The following MAP3K19 variants were observed in gnomAD, a reference collection of about 807,000 sequenced individuals.
MAP3K19 encodes the protein mitogen-activated protein kinase kinase kinase 19.
A neutral mutation model predicts 114.4 loss-of-function variants in MAP3K19; 91 were observed. The ratio of observed to expected loss-of-function variants is 0.80; its 90% CI spans 0.67 to 0.95. The LOEUF (loss-of-function observed/expected upper bound fraction) is 0.95. Ranked by LOEUF, MAP3K19 falls within the 40% of genes least tolerant of loss-of-function variation. The pLI is 0.00. For synonymous variants in MAP3K19, 518 were observed against 530.5 expected (o/e 0.98, Z 0.32); for missense variants, 1,471 against 1,573.2 (o/e 0.94, Z 1.10).
At chr2:135,017,645 C>T (rs181427900) in intron 5 of MAP3K19, among the ~76,000 whole-genome samples, 109 of 152,310 alleles carry the variant, frequency 7.2e-4, no homozygotes, top group Middle Eastern at 6.8e-3. Context: ...CTCATGCTAA[C>T]TCCCAACGTC....
chr2:134,964,896 G>A lies in MAP3K19; in HGVS notation c.3941C>T (p.Ser1314Phe). ...CLTRDQHERP[S>F]ALQLLKHSFL... ...GGAGTGCTTCAGGAGCTGGAGAGCAGAAGGTCGCTCATGCTGGTCCCTAAG... is the reference window on the plus strand; with the variant it reads ...GGAGTGCTTCAGGAGCTGGAGAGCAAAAGGTCGCTCATGCTGGTCCCTAAG... Residue 1314 changes from serine (S) to phenylalanine (F), a missense_variant, in exon 13 of 13, where the codon TCT (serine) becomes TTT (phenylalanine). Coordinates refer to ENST00000392915, the MANE Select transcript of MAP3K19 (RefSeq NM_025052.5). The A allele has an allele frequency of 6.2e-7, 1 of 1,613,026 alleles. No homozygotes were observed. Among genetic ancestry groups the A allele is most frequent in the South Asian group, 1.1e-5 (1 of 90,804 alleles).
chr2:135,040,883 C>T (rs929196974), intron 1 of MAP3K19, among the ~76,000 whole-genome samples: 10 of 152,194 alleles, frequency 6.6e-5, no homozygotes, highest in African/African-American at 2.4e-4. Context: ...TAAATTCCTT[C>T]TCCACAGATT....
intron 2 of MAP3K19, among the ~76,000 whole-genome samples, chr2:135,036,405 T>C (rs537071972): frequency 6.6e-6 from 1 of 152,308 alleles, no homozygotes; most frequent in African/African-American, 2.4e-5. Context: ...TGAATAAATA[T>C]TTTATGAATG....
chr2:135,021,779 G>A lies in MAP3K19; in HGVS notation c.74C>T (p.Pro25Leu). The A allele has an allele frequency of 6.2e-7, 1 of 1,612,532 alleles. No individual in the cohort carries two copies. Among genetic ancestry groups the A allele is most frequent in the Non-Finnish European group, 8.5e-7 (1 of 1,179,446 alleles). Residue 25 changes from proline (P) to leucine (L), a missense_variant, in exon 5 of 13, where the codon CCA becomes CTA. Coordinates refer to ENST00000392915, the MANE Select transcript of MAP3K19 (RefSeq NM_025052.5). Reference protein sequence around the residue: ...LDICHDTNSSPTDLMTVTKNQ... With the variant: ...LDICHDTNSSLTDLMTVTKNQ... ...TTTGGTAACTGTCATCAAATCAGTT[G>A]GAGAAGAGTTTGTATCATGACAAAT... is the stretch of plus-strand genomic sequence containing the variant.
intron 8 of MAP3K19, among the ~76,000 whole-genome samples, chr2:134,995,082 T>C (rs1685881043): frequency 6.6e-6 from 1 of 151,922 alleles, no homozygotes. Flanking sequence ...GAAGCTGAGG[T>C]GGGTAAATCA....
chr2:135,028,367 G>A (rs1338306369), intron 3 of MAP3K19, among the ~76,000 whole-genome samples: 1 of 151,890 alleles, frequency 6.6e-6, no homozygotes, highest in Non-Finnish European at 1.5e-5. Context: ...ACCAGCCTGG[G>A]CAACATGGCA....
rs549232205 is a variant in MAP3K19 at position 135,004,404 on chromosome 2, G to A, written c.235+1031C>T. On this transcript the variant is annotated intron_variant, in intron 6 of 12. Coordinates refer to ENST00000392915, the MANE Select transcript of MAP3K19 (RefSeq NM_025052.5). ...TGGGGAGGGAAGATTCCCAGTGGGC[G>A]TGAGAAAGGCAGGCGGCTGCCCAGG... is the stretch of plus-strand genomic sequence containing the variant. Among the ~76,000 whole-genome samples, 3 of 152,268 alleles carry A rather than the reference G, an allele frequency of 2.0e-5. No homozygotes were observed. In the South Asian group the frequency reaches 6.2e-4, roughly 32 times the overall value.
At chr2:135,021,887 A>C in intron 4 of MAP3K19, 57 bp from the exon 5 acceptor site, 1 of 1,084,668 alleles carries the variant, frequency 9.2e-7, no homozygotes, top group Non-Finnish European at 1.3e-6. Flanking sequence ...GCAATTTCAA[A>C]AGAAGATCTA....
intron 12 of MAP3K19, among the ~76,000 whole-genome samples, chr2:134,978,698 A>G (rs78892450): frequency 6.6e-6 from 1 of 152,144 alleles, no homozygotes; most frequent in East Asian, 1.9e-4. Flanking sequence ...CCAAGTCTTG[A>G]TTCACCTTTT....
rs369837575 is a variant in MAP3K19 at position 134,977,047 on chromosome 2, G to GAAAA, written c.3920+3770_3920+3773dup. Among the ~76,000 whole-genome samples, 212 of 116,162 alleles carry GAAAA rather than the reference G, an allele frequency of 1.8e-3. 2 individuals carry two copies. The highest frequency in any genetic ancestry group is 6.4e-3 in the African/African-American group (200 of 31,420). 76.2% of individuals were successfully genotyped at this position (116,162 alleles called of 152,430 possible). ...GGTAACAAAGCAAGACTCCGTCTCG[G>GAAAA]AAAAAAAAAAAAAAAAAAAATTCTT... On this transcript the variant is annotated intron_variant, in intron 12 of 12. Transcript: ENST00000392915.
intron 5 of MAP3K19, among the ~76,000 whole-genome samples, chr2:135,007,562 T>C (rs957634846): frequency 1.3e-5 from 2 of 152,026 alleles, no homozygotes; most frequent in African/African-American, 4.8e-5. Context: ...ATTGGGTTGA[T>C]TATTCATTCT....
At chr2:134,996,333 C>T (rs1300396136) in intron 8 of MAP3K19, among the ~76,000 whole-genome samples, 1 of 148,044 alleles carries the variant, frequency 6.8e-6, no homozygotes, top group South Asian at 2.1e-4. Context: ...TCCCAAAGTG[C>T]TGCCCTGGAC....
At chr2:135,026,302 G>C (rs7564981) in intron 3 of MAP3K19, among the ~76,000 whole-genome samples, 3,789 of 152,270 alleles carry the variant, frequency 0.025, 136 homozygotes, top group African/African-American at 0.085. Flanking sequence ...TTGATTTCCA[G>C]TATTCTGGAC....
At position 134,988,601 on chromosome 2, in the gene MAP3K19, G is replaced by A. The variant is rs147709595; in HGVS notation, c.619-348C>T. On this transcript the variant is annotated intron_variant, in intron 9 of 12. Transcript: ENST00000392915. ...GACAAGGTCTCTCTATGTTGCCCAG[G>A]CTGGTCTCAAACTCCTGGCCTCAAG... Among the ~76,000 whole-genome samples the A allele has an allele frequency of 8.1e-3, 1,239 of 152,032 alleles. 10 individuals carry two copies. The highest frequency in any genetic ancestry group is 0.028 in the African/African-American group (1,165 of 41,452).
At chr2:134,968,834 C>T (rs970775476) in intron 12 of MAP3K19, among the ~76,000 whole-genome samples, 1 of 150,862 alleles carries the variant, frequency 6.6e-6, no homozygotes, top group Non-Finnish European at 1.5e-5. Context: ...GATGGGATGG[C>T]GGCTGGGCAG....
At chr2:135,027,881 A>T (rs1023469302) in intron 3 of MAP3K19, among the ~76,000 whole-genome samples, 2 of 152,196 alleles carry the variant, frequency 1.3e-5, no homozygotes, top group African/African-American at 2.4e-5. Context: ...TTTCAATCTC[A>T]GCTGCTTAAG....
intron 3 of MAP3K19, among the ~76,000 whole-genome samples, chr2:135,025,842 A>G (rs1200038221): frequency 6.6e-6 from 1 of 152,098 alleles, no homozygotes; most frequent in Admixed American, 6.5e-5. Context: ...GAACCCTTGC[A>G]TTAGATATCA....
intron 4 of MAP3K19, chr2:135,023,788 A>T: frequency 3.2e-6 from 1 of 309,918 alleles, no homozygotes; most frequent in Non-Finnish European, 6.4e-6. Flanking sequence ...CTTAATAGAG[A>T]TCCCTGCCTT....
Position 134,986,681 on chromosome 2 carries a change from C to T in MAP3K19, c.2191G>A (p.Gly731Ser), listed in dbSNP as rs1374842544. 1.9e-6 allele frequency: 3 copies of T among 1,614,010 alleles called. No homozygotes were observed. The highest frequency in any genetic ancestry group is 1.1e-5 in the South Asian group (1 of 91,078). The change falls in exon 10 of 13, where the codon GGC becomes AGC. Residue 731 changes from glycine (G) to serine (S), a missense_variant. Gly to Ser is a moderately conservative substitution (Grantham distance 56). Transcript: ENST00000392915. ...AAGACTTTGTGCTCTTGTTTAATGC[C>T]AAATGAAGTCTTTGGGCATTTCATA... ...THMKCPKTSF[G>S]IKQEHKVLIS...
Sources: gnomAD v4.1 joint callset for allele counts (sites outside exome capture counted in the v4.1 genomes callset) on GRCh38, gnomAD v4.1.1 for gene constraint, MANE v1.5 for transcripts, NCBI Gene and HGNC (gene_info 2026-07-23, HGNC 2026-07-21) for gene names.